The following SYN3 variants were observed in gnomAD, a reference collection of about 807,000 sequenced individuals.
SYN3 encodes synapsin III.
In SYN3, 35 loss-of-function variants were observed where a neutral mutation model predicts 65.8. The observed-to-expected ratio is 0.53, with a 90% CI of 0.41 to 0.70. The LOEUF is 0.70. Ranked by LOEUF, SYN3 falls within the 30% of genes least tolerant of loss-of-function variation. The probability of loss-of-function intolerance (pLI) is 0.00; values close to 1 mark genes in which losing one functional copy is unlikely to be tolerated. For synonymous variants in SYN3, 270 were observed against 292.9 expected, an observed-to-expected ratio of 0.92 and a Z score of 0.80; for missense variants, 680 against 749.0, an observed-to-expected ratio of 0.91 and a Z score of 1.08.
intron 7 of SYN3, among the ~76,000 whole-genome samples, chr22:32,586,777 T>G (rs1191567513): frequency 3.3e-5 from 5 of 151,730 alleles, no homozygotes; most frequent in Non-Finnish European, 5.9e-5. Context: ...AAACATGGAG[T>G]CTGTGAATGA....
At chr22:32,603,402 C>T (rs935298469) in intron 6 of SYN3, among the ~76,000 whole-genome samples, 5 of 150,988 alleles carry the variant, frequency 3.3e-5, no homozygotes, top group Admixed American at 2.0e-4. Flanking sequence ...CACCTGTAGT[C>T]CCAGCTACTA....
intron 6 of SYN3, among the ~76,000 whole-genome samples, chr22:32,721,873 T>C (rs2061123880): frequency 6.6e-6 from 1 of 152,214 alleles, no homozygotes; most frequent in South Asian, 2.1e-4. Flanking sequence ...GAAGGCTTTC[T>C]GAGAAGGGGA....
chr22:32,884,612 G>C (rs2049238876), intron 4 of SYN3, among the ~76,000 whole-genome samples: 1 of 152,182 alleles, frequency 6.6e-6, no homozygotes, highest in Non-Finnish European at 1.5e-5. Context: ...GGGTGCGGTG[G>C]CTCACTCCTG....
intron 4 of SYN3, among the ~76,000 whole-genome samples, chr22:32,896,561 T>C (rs111573670): frequency 0.012 from 1,899 of 152,352 alleles, 22 homozygotes; most frequent in Middle Eastern, 0.031. Flanking sequence ...AGGCAGATGA[T>C]AAAACTATAA....
At chr22:32,919,616 A>G (rs2050283806) in intron 4 of SYN3, among the ~76,000 whole-genome samples, 1 of 152,248 alleles carries the variant, frequency 6.6e-6, no homozygotes, top group African/African-American at 2.4e-5. Context: ...TGCCTCTAAT[A>G]AATTCTGTTG....
chr22:32,596,767 C>G lies in SYN3; in HGVS notation c.712-31G>C, dbSNP rs369886496. On this transcript the variant is annotated intron_variant, in intron 6 of 13. Coordinates refer to ENST00000358763, the MANE Select transcript of SYN3 (RefSeq NM_003490.4). ...AGAGACAAGAAGAAGTCACTCTTAA[C>G]ATCTCAGAGCATTGCCACCAAGGCT... 7.5e-6 allele frequency: 12 copies of G among 1,607,190 alleles called. No individual in the cohort carries two copies. The African/African-American group carries it at 1.6e-4, about 21-fold the overall frequency.
At chr22:32,550,700 CA>C (rs135481) in intron 7 of SYN3, among the ~76,000 whole-genome samples, 186 of 148,332 alleles carry the variant, frequency 1.3e-3, no homozygotes, top group South Asian at 9.6e-3. Context: ...CTAGAAATGG[CA>C]AAAAAAAAAA....
chr22:32,926,588 G>A (rs2050478399), intron 4 of SYN3, among the ~76,000 whole-genome samples: 1 of 152,050 alleles, frequency 6.6e-6, no homozygotes, highest in Non-Finnish European at 1.5e-5. Context: ...TTCTTTTGCT[G>A]CACAGTTGCA....
chr22:32,561,810 C>A (rs1057092346), intron 7 of SYN3, among the ~76,000 whole-genome samples: 4 of 152,200 alleles, frequency 2.6e-5, no homozygotes, highest in Non-Finnish European at 4.4e-5. Flanking sequence ...CGTGGGGAAG[C>A]CTGTAGAGGC....
At chr22:33,048,581 C>T (rs939244031) in intron 1 of SYN3, among the ~76,000 whole-genome samples, 5 of 152,136 alleles carry the variant, frequency 3.3e-5, no homozygotes, top group African/African-American at 1.2e-4. Flanking sequence ...GAGCCTGGCA[C>T]GTACTCCTCT....
In SYN3 at chr22:32,734,406, C is replaced by T. The variant is rs1034781860; in HGVS notation, c.711+130509G>A. Among the ~76,000 whole-genome samples the T allele has an allele frequency of 6.6e-5, 10 of 152,296 alleles. 1 individual carries two copies. The South Asian group carries it at 1.4e-3, about 22-fold the overall frequency. ...ACATCCCCGGCTGCCCCAGCCTTCA[C>T]GCATGTGACCCGAGGGATGGGGGCA... On this transcript the variant is annotated intron_variant, in intron 6 of 13. Transcript: ENST00000358763.
intron 3 of SYN3, among the ~76,000 whole-genome samples, chr22:32,946,737 G>T (rs2051125212): frequency 6.6e-6 from 1 of 152,036 alleles, no homozygotes; most frequent in Non-Finnish European, 1.5e-5. Context: ...AAGACCCCAT[G>T]CCATAATATA....
intron 1 of SYN3, among the ~76,000 whole-genome samples, chr22:33,043,456 G>A (rs2054000992): frequency 6.6e-6 from 1 of 152,200 alleles, no homozygotes; most frequent in Non-Finnish European, 1.5e-5. Flanking sequence ...GCTGAGGCAG[G>A]AGAATGGCTT....
intron 4 of SYN3, among the ~76,000 whole-genome samples, chr22:32,892,836 G>A (rs1335209259): frequency 1.3e-5 from 2 of 152,124 alleles, no homozygotes; most frequent in African/African-American, 4.8e-5. Context: ...GATTATCTGG[G>A]GGAAGCTACC....
intron 6 of SYN3, among the ~76,000 whole-genome samples, chr22:32,677,658 G>C (rs946519232): frequency 6.6e-6 from 1 of 151,988 alleles, no homozygotes; most frequent in African/African-American, 2.4e-5. Flanking sequence ...AAAATTAGCC[G>C]GTCGTGGTGG....
chr22:32,559,056 A>G (rs2058545435), intron 7 of SYN3, among the ~76,000 whole-genome samples: 1 of 152,246 alleles, frequency 6.6e-6, no homozygotes, highest in Non-Finnish European at 1.5e-5. Context: ...TATGCACTAT[A>G]TACAGTATTC....
intron 4 of SYN3, among the ~76,000 whole-genome samples, chr22:32,901,057 CA>C (rs1276391146): frequency 6.6e-5 from 10 of 152,180 alleles, no homozygotes; most frequent in Non-Finnish European, 1.2e-4. Flanking sequence ...CAAAATTATG[CA>C]ATTTGCAGTC....
intron 6 of SYN3, among the ~76,000 whole-genome samples, chr22:32,725,667 C>T (rs1411536598): frequency 1.3e-5 from 2 of 152,140 alleles, no homozygotes; most frequent in Admixed American, 6.5e-5. Context: ...GGCATGCAGG[C>T]GGCCTCCAGA....
chr22:32,586,038 G>GTGTATACGTA (rs1467877040), intron 7 of SYN3, among the ~76,000 whole-genome samples: 1 of 103,236 alleles, frequency 9.7e-6, no homozygotes, highest in Non-Finnish European at 1.8e-5. Context: ...ATGTATATAT[G>GTGTATACGTA]TATATGTATA....
Sources: gnomAD v4.1 joint callset for allele counts (sites outside exome capture counted in the v4.1 genomes callset) on GRCh38, gnomAD v4.1.1 for gene constraint, MANE v1.5 for transcripts, NCBI Gene and HGNC (gene_info 2026-07-23, HGNC 2026-07-21) for gene names.